Variants in TRIQK observed in about 807,000 individuals in gnomAD.
TRIQK encodes the protein triple QxxK/R motif containing.
TRIQK carries 10 observed loss-of-function variants against 10.8 expected under a neutral mutation model. The observed-to-expected ratio is 0.92, with a 90% CI of 0.57 to 1.57. The LOEUF (loss-of-function observed/expected upper bound fraction) is 1.57. Among genes scored for constraint, TRIQK ranks in the 40% most tolerant of loss-of-function variants. The pLI, the probability that TRIQK is intolerant of heterozygous loss-of-function variation, is 0.00. For synonymous variants in TRIQK, 33 were observed against 33.7 expected (o/e 0.98, Z 0.07); for missense variants, 107 against 97.7 (o/e 1.09, Z -0.40).
At chr8:92,948,636 G>C (rs1811675560) in intron 2 of TRIQK, among the ~76,000 whole-genome samples, 1 of 152,058 alleles carries the variant, frequency 6.6e-6, no homozygotes, top group East Asian at 1.9e-4. Flanking sequence ...TCACTTCCCT[G>C]AGCAAGAATG....
intron 4 of TRIQK, among the ~76,000 whole-genome samples, chr8:92,889,951 T>C (rs1436047686): frequency 3.3e-5 from 5 of 151,766 alleles, no homozygotes; most frequent in Non-Finnish European, 5.9e-5. Flanking sequence ...CTATGATTCA[T>C]TCAAAAGACT....
At chr8:92,990,557 T>A (rs1226521278) in intron 1 of TRIQK, among the ~76,000 whole-genome samples, 2 of 152,084 alleles carry the variant, frequency 1.3e-5, no homozygotes, top group Non-Finnish European at 2.9e-5. Flanking sequence ...GGTACCCGGC[T>A]CATCTCATTG....
At chr8:92,979,000 T>C (rs1257418991) in intron 1 of TRIQK, among the ~76,000 whole-genome samples, 1 of 152,116 alleles carries the variant, frequency 6.6e-6, no homozygotes, top group Non-Finnish European at 1.5e-5. Context: ...AAAACAACAA[T>C]GATTTTCTCA....
intron 1 of TRIQK, among the ~76,000 whole-genome samples, chr8:92,989,648 G>T (rs1813075976): frequency 6.6e-6 from 1 of 152,088 alleles, no homozygotes; most frequent in Admixed American, 6.6e-5. Context: ...CTACATTATG[G>T]TGAGTAACAT....
At chr8:92,965,693 C>G (rs1336561559) in intron 1 of TRIQK, 1 of 152,466 alleles carries the variant, frequency 6.6e-6, no homozygotes, top group African/African-American at 2.4e-5. Flanking sequence ...GGGCGGGAAC[C>G]GCGCGTTCCT....
chr8:92,991,759 C>T (rs1183878580), intron 1 of TRIQK, among the ~76,000 whole-genome samples: 1 of 152,112 alleles, frequency 6.6e-6, no homozygotes, highest in Non-Finnish European at 1.5e-5. Flanking sequence ...AAAATCCCAT[C>T]GTCTCAGCCC....
chr8:93,010,607 T>C (rs1328000500), intron 1 of TRIQK, among the ~76,000 whole-genome samples: 2 of 152,176 alleles, frequency 1.3e-5, no homozygotes, highest in Non-Finnish European at 2.9e-5. Context: ...TAAATACTTT[T>C]ATAAGAATAA....
In TRIQK at chr8:92,983,593, A is replaced by T. The variant is rs140159486; in HGVS notation, c.-180-29029T>A. On this transcript the variant is annotated intron_variant, in intron 1 of 4. Coordinates refer to the TRIQK transcript ENST00000520686. ...ATGGGTGTATTTTTAGGGACCATAC[A>T]AACAAAAAGTATGTATAATTTCTGA... Among the ~76,000 whole-genome samples, 318 of 152,220 alleles carry T rather than the reference A, an allele frequency of 2.1e-3. 1 individual carries two copies. Among genetic ancestry groups the T allele is most frequent in the African/African-American group, 7.4e-3 (308 of 41,568 alleles).
At chr8:92,955,945 T>A (rs1812148591) in intron 1 of TRIQK, among the ~76,000 whole-genome samples, 1 of 151,742 alleles carries the variant, frequency 6.6e-6, no homozygotes, top group South Asian at 2.1e-4. Context: ...GAAATTGGAA[T>A]CTTCATACAT....
chr8:92,939,337 G>T (rs965905679), intron 2 of TRIQK, among the ~76,000 whole-genome samples: 1 of 152,252 alleles, frequency 6.6e-6, no homozygotes, highest in South Asian at 2.1e-4. Flanking sequence ...TGAGCTCACA[G>T]AATTGTTTTA....
intron 1 of TRIQK, among the ~76,000 whole-genome samples, chr8:93,001,102 T>G (rs1271633772): frequency 6.6e-6 from 1 of 151,916 alleles, no homozygotes; most frequent in Non-Finnish European, 1.5e-5. Flanking sequence ...GGTCAGGAGA[T>G]CAAGACCATC....
intron 1 of TRIQK, among the ~76,000 whole-genome samples, chr8:92,958,738 T>A (rs1189764431): frequency 6.6e-6 from 1 of 152,008 alleles, no homozygotes; most frequent in Non-Finnish European, 1.5e-5. Context: ...CACTATGTCT[T>A]ACAATTCAGG....
Position 92,995,805 on chromosome 8 carries a change from C to T in TRIQK, c.-181+21804G>A, listed in dbSNP as rs767892859. Among the ~76,000 whole-genome samples the T allele has an allele frequency of 2.0e-5, 3 of 152,052 alleles. 1 individual carries two copies. The highest frequency in any genetic ancestry group is 4.4e-5 in the Non-Finnish European group (3 of 67,952). ...ATCTTACAGCTCTAGTTCACAGGGG[C>T]CATCTGTTCTAAGGGTTCTGCTTCA... On this transcript the variant is annotated intron_variant, in intron 1 of 4. Transcript: ENST00000520686.
In TRIQK at chr8:93,010,650, G is replaced by A. The variant is rs527981905; in HGVS notation, c.-181+6959C>T. ...GTAATTCTAGTTTCGCATCCATTTA[G>A]TATAGAATATAAATGCCACACTTTA... On this transcript the variant is annotated intron_variant, in intron 1 of 4. Transcript: ENST00000520686. Among the ~76,000 whole-genome samples the A allele has an allele frequency of 5.9e-5, 9 of 152,002 alleles. No homozygotes were observed. In the East Asian group the frequency reaches 1.7e-3, roughly 29 times the overall value.
chr8:92,946,800 G>A lies in TRIQK; in HGVS notation c.-22+7606C>T, dbSNP rs192369324. Among the ~76,000 whole-genome samples, 23 of 143,538 alleles carry A rather than the reference G, an allele frequency of 1.6e-4. No individual in the cohort carries two copies. The Admixed American group carries it at 1.6e-3, about 10-fold the overall frequency. 94.2% of individuals were successfully genotyped at this position (143,538 alleles called of 152,430 possible). A position where few individuals can be genotyped will look rare whatever the true frequency, so the allele number is the denominator to read the frequency against. On this transcript the variant is annotated intron_variant, in intron 2 of 4. Transcript: ENST00000521988. ...TTCTGAGATGGAGTCTCGCTCTGTC[G>A]CCCAGGCTGGAGTGCAGTGGTGCAA...
chr8:92,981,214 A>G (rs1812982658), intron 1 of TRIQK, among the ~76,000 whole-genome samples: 1 of 151,818 alleles, frequency 6.6e-6, no homozygotes, highest in Non-Finnish European at 1.5e-5. Flanking sequence ...CGTTCAGTGA[A>G]TAAAGCCTGT....
intron 1 of TRIQK, among the ~76,000 whole-genome samples, chr8:93,013,321 T>C (rs1813354819): frequency 1.3e-5 from 2 of 152,218 alleles, no homozygotes; most frequent in African/African-American, 2.4e-5. Context: ...TCTGTTTCTT[T>C]GTCTGTCTTG....
chr8:92,903,286 A>G (rs887761693), intron 3 of TRIQK, among the ~76,000 whole-genome samples: 4 of 152,128 alleles, frequency 2.6e-5, no homozygotes, highest in Admixed American at 2.6e-4. Flanking sequence ...GTGCTCATTT[A>G]AGAGCAGCTT....
intron 2 of TRIQK, among the ~76,000 whole-genome samples, chr8:92,932,047 A>G (rs1414904072): frequency 6.6e-6 from 1 of 152,262 alleles, no homozygotes; most frequent in Non-Finnish European, 1.5e-5. Flanking sequence ...GCACTACTGA[A>G]TACTCTGTCG....
Sources: allele counts gnomAD v4.1 joint callset (sites outside exome capture counted in the v4.1 genomes callset), GRCh38; gene constraint gnomAD v4.1.1; transcripts MANE v1.5; gene names NCBI Gene and HGNC (gene_info 2026-07-23, HGNC 2026-07-21).